The following PLD5 variants were observed in gnomAD, a reference collection of about 807,000 sequenced individuals.
The protein encoded by PLD5 is inactive phospholipase D5.
Under a neutral mutation model 61.1 loss-of-function variants are expected in PLD5, and 36 were observed. The ratio of observed to expected loss-of-function variants is 0.59; its 90% CI spans 0.45 to 0.78. The LOEUF (loss-of-function observed/expected upper bound fraction) is 0.78, where lower values mean the gene tolerates loss of function less well. Ranked by LOEUF, PLD5 falls within the 30% of genes least tolerant of loss-of-function variation. The pLI is 0.00. For synonymous variants in PLD5, 243 were observed against 242.8 expected (o/e 1.00, Z -0.01); for missense variants, 515 against 644.4 (o/e 0.80, Z 2.17).
intron 1 of PLD5, among the ~76,000 whole-genome samples, chr1:242,397,179 T>C (rs964287982): frequency 3.9e-5 from 6 of 152,094 alleles, no homozygotes; most frequent in Non-Finnish European, 8.8e-5. Context: ...TATCTCTACA[T>C]AGACCTCGTT....
At chr1:242,174,119 G>A (rs1379082489) in intron 5 of PLD5, among the ~76,000 whole-genome samples, 44 of 152,220 alleles carry the variant, frequency 2.9e-4, no homozygotes, top group East Asian at 7.7e-4. Flanking sequence ...GCAACCTACA[G>A]AATGGGAGAA....
rs529650591 is a variant in PLD5 at position 242,458,574 on chromosome 1, A to G, written c.189+65514T>C. 7.2e-4 allele frequency among the ~76,000 whole-genome samples: 110 copies of G among 152,334 alleles called. 1 individual carries two copies. Among genetic ancestry groups the G allele is most frequent in the Non-Finnish European group, 1.2e-3 (82 of 68,030 alleles). ...ACTGGTATGAGAGTTTGGGCTGGAG[A>G]AAGTGTTATAAGTAAATCCACCTTG... On this transcript the variant is annotated intron_variant, in intron 1 of 9. Coordinates refer to ENST00000536534, the MANE Select transcript of PLD5 (RefSeq NM_001372062.1).
chr1:242,183,911 T>A lies in PLD5; in HGVS notation c.735+36077A>T, dbSNP rs60750123. Among the ~76,000 whole-genome samples, 76 of 122,896 alleles carry A rather than the reference T, an allele frequency of 6.2e-4. No homozygotes were observed. The East Asian group carries it at 0.026, about 42-fold the overall frequency. 80.6% of individuals were successfully genotyped at this position (122,896 alleles called of 152,430 possible). On this transcript the variant is annotated intron_variant, in intron 5 of 9. Transcript: ENST00000536534. ...CTCCGTCTCAAAATAAATAAATAAATAAAAATAAATAAAAGAAACACCTAA... is the reference window on the plus strand; with the variant it reads ...CTCCGTCTCAAAATAAATAAATAAAAAAAAATAAATAAAAGAAACACCTAA...
chr1:242,497,026 C>A (rs918943628), intron 1 of PLD5, among the ~76,000 whole-genome samples: 1 of 152,184 alleles, frequency 6.6e-6, no homozygotes, highest in African/African-American at 2.4e-5. Context: ...GAAGCCCAAG[C>A]AGACAGTTGG....
intron 5 of PLD5, among the ~76,000 whole-genome samples, chr1:242,171,086 G>A (rs1445831519): frequency 3.3e-5 from 5 of 152,046 alleles, no homozygotes; most frequent in South Asian, 2.1e-4. Flanking sequence ...ACACATAATC[G>A]TCAGATACAA....
At chr1:242,112,350 T>TATATATATATATATATATATAG (rs1661595567) in intron 7 of PLD5, among the ~76,000 whole-genome samples, 1 of 150,440 alleles carries the variant, frequency 6.6e-6, no homozygotes, top group Admixed American at 6.6e-5. Flanking sequence ...TATATATATA[T>TATATATATATATATATATATAG]ATAGATGGAG....
chr1:242,152,149 G>T (rs1005122446), intron 5 of PLD5, among the ~76,000 whole-genome samples: 1 of 152,008 alleles, frequency 6.6e-6, no homozygotes, highest in Non-Finnish European at 1.5e-5. Flanking sequence ...GGCTCTAGGG[G>T]ATAATCCGTT....
chr1:242,221,235 A>C lies in PLD5; in HGVS notation c.608-1120T>G, dbSNP rs562187501. ...TACAAACCTCTCAAAAGGAGCATAC[A>C]GTCCATTCAATGCAAGGGTATTTAA... On this transcript the variant is annotated intron_variant, in intron 4 of 9. Transcript: ENST00000536534. 8.5e-5 allele frequency among the ~76,000 whole-genome samples: 13 copies of C among 152,360 alleles called. No homozygotes were observed. The East Asian group carries it at 2.5e-3, about 29-fold the overall frequency.
intron 2 of PLD5, 125 bp from the exon 3 acceptor site, chr1:242,288,655 T>G: frequency 7.0e-7 from 1 of 1,422,902 alleles, no homozygotes; most frequent in South Asian, 1.6e-5. Context: ...CATTCTCTCC[T>G]CATAATTTAC....
chr1:242,112,295 G>GTC (rs900503684), intron 7 of PLD5, among the ~76,000 whole-genome samples: 8 of 100,184 alleles, frequency 8.0e-5, no homozygotes, highest in African/African-American at 5.0e-4. Flanking sequence ...GTGTGTGTGT[G>GTC]TGTGTGTGTG....
At chr1:242,154,555 G>T (rs546135727) in intron 5 of PLD5, among the ~76,000 whole-genome samples, 2 of 152,068 alleles carry the variant, frequency 1.3e-5, no homozygotes, top group Admixed American at 6.6e-5. Context: ...TAGCACGAAG[G>T]GGTGTTGAAT....
At chr1:242,378,111 C>T (rs1011806172) in intron 1 of PLD5, among the ~76,000 whole-genome samples, 5 of 152,164 alleles carry the variant, frequency 3.3e-5, no homozygotes, top group Admixed American at 2.6e-4. Context: ...AATGTAGAAA[C>T]AACTCAAATT....
intron 1 of PLD5, among the ~76,000 whole-genome samples, chr1:242,506,398 A>G (rs1180524858): frequency 1.3e-5 from 2 of 152,222 alleles, no homozygotes; most frequent in Non-Finnish European, 2.9e-5. Context: ...TGAACTTCCC[A>G]GACAGAGATA....
At chr1:242,297,850 A>G (rs971638998) in intron 2 of PLD5, among the ~76,000 whole-genome samples, 7 of 151,294 alleles carry the variant, frequency 4.6e-5, no homozygotes, top group Non-Finnish European at 8.8e-5. Flanking sequence ...CTTGTTAGCC[A>G]GGATGGTCTC....
At chr1:242,244,088 CAT>C (rs1197689182) in intron 4 of PLD5, among the ~76,000 whole-genome samples, 1 of 152,134 alleles carries the variant, frequency 6.6e-6, no homozygotes, top group Non-Finnish European at 1.5e-5. Context: ...CATTTAATGA[CAT>C]ATATGCACGT....
At chr1:242,498,964 G>T (rs1480100368) in intron 1 of PLD5, among the ~76,000 whole-genome samples, 3 of 152,092 alleles carry the variant, frequency 2.0e-5, no homozygotes, top group Non-Finnish European at 4.4e-5. Context: ...TGGGTTGAAG[G>T]GTATTAATAG....
At position 242,256,408 on chromosome 1, in the gene PLD5, G is replaced by A. The variant is rs146948325; in HGVS notation, c.607+8929C>T. ...TCCCTCAAGAATCATTCGTTTAAACGTAATTCCCACTGTGGCAGTATTAAG... is the reference window on the plus strand; with the variant it reads ...TCCCTCAAGAATCATTCGTTTAAACATAATTCCCACTGTGGCAGTATTAAG... On this transcript the variant is annotated intron_variant, in intron 4 of 9. Transcript: ENST00000536534. The surrounding 1 kb of genome is among the most constrained non-coding windows in gnomAD (Gnocchi z 5.7). Among the ~76,000 whole-genome samples the A allele has an allele frequency of 1.4e-3, 206 of 152,326 alleles. 2 individuals carry two copies. The highest frequency in any genetic ancestry group is 2.1e-3 in the South Asian group (10 of 4,828).
chr1:242,220,165 G>T, intron 4 of PLD5, 50 bp from the exon 5 acceptor site: 1 of 1,598,010 alleles, frequency 6.3e-7, no homozygotes, highest in Non-Finnish European at 8.6e-7. Flanking sequence ...GGCCCTGCCT[G>T]GGCTGTCAGT....
At chr1:242,501,250 A>T (rs932332806) in intron 1 of PLD5, among the ~76,000 whole-genome samples, 1 of 152,230 alleles carries the variant, frequency 6.6e-6, no homozygotes, top group African/African-American at 2.4e-5. Flanking sequence ...ATGCCATAGC[A>T]TGTCTGTACC....
Sources: gnomAD v4.1 joint callset for allele counts (sites outside exome capture counted in the v4.1 genomes callset) on GRCh38, gnomAD v4.1.1 for gene constraint, Gnocchi (gnomAD v3.1) non-coding constraint, MANE v1.5 for transcripts, NCBI Gene and HGNC (gene_info 2026-07-23, HGNC 2026-07-21) for gene names.